Variants in KIAA1217 observed in about 807,000 individuals in gnomAD.
KIAA1217 encodes KIAA1217.
KIAA1217 carries 88 observed loss-of-function variants against 163.9 expected under a neutral mutation model. That is an observed-to-expected ratio of 0.54 (90% CI 0.45 to 0.64). KIAA1217 has a LOEUF of 0.64. Ranked by LOEUF, KIAA1217 falls within the 30% of genes least tolerant of loss-of-function variation. The pLI, the probability that KIAA1217 is intolerant of heterozygous loss-of-function variation, is 0.00. For missense variants in KIAA1217, 2,372 were observed against 2,475.0 expected, an observed-to-expected ratio of 0.96 and a Z score of 0.88; for synonymous variants, 903 against 923.1, an observed-to-expected ratio of 0.98 and a Z score of 0.39.
rs144286801 is a variant in KIAA1217 at position 24,530,086 on chromosome 10, C to T, written c.3083-1744C>T. Among the ~76,000 whole-genome samples the T allele has an allele frequency of 2.2e-4, 33 of 152,056 alleles. No individual in the cohort carries two copies. In the East Asian group the frequency reaches 5.2e-3, roughly 24 times the overall value. ...TGCTGGGATTTCAGGCCTGAGTCAC[C>T]GGCCAGCTCATCACATTTTTATCTT... On this transcript the variant is annotated intron_variant, in intron 14 of 20. Coordinates refer to ENST00000376454, the MANE Select transcript of KIAA1217 (RefSeq NM_019590.5).
At chr10:23,877,105 A>G (rs1465090892) in intron 1 of KIAA1217, among the ~76,000 whole-genome samples, 1 of 151,910 alleles carries the variant, frequency 6.6e-6, no homozygotes, top group Non-Finnish European at 1.5e-5. Context: ...GTAGTCTCAA[A>G]CTCATGTGTC....
intron 2 of KIAA1217, among the ~76,000 whole-genome samples, chr10:24,228,263 A>AAAC (rs1309177139): frequency 6.6e-6 from 1 of 152,078 alleles, no homozygotes; most frequent in Non-Finnish European, 1.5e-5. Context: ...CCCCTTCTTA[A>AAAC]AACAACAACA....
chr10:23,722,445 TAA>T (rs150179129), intron 1 of KIAA1217, among the ~76,000 whole-genome samples: 7,772 of 152,238 alleles, frequency 0.051, 310 homozygotes, highest in African/African-American at 0.1. Context: ...AGTTTTCCAT[TAA>T]GTCTATCATC....
At chr10:24,196,821 T>G (rs2067012048) in intron 2 of KIAA1217, among the ~76,000 whole-genome samples, 2 of 152,216 alleles carry the variant, frequency 1.3e-5, no homozygotes, top group Admixed American at 6.5e-5. Flanking sequence ...GATGCTGCGC[T>G]GCTCCCCTGT....
chr10:24,446,998 T>G (rs2060989524), intron 5 of KIAA1217, among the ~76,000 whole-genome samples: 1 of 152,098 alleles, frequency 6.6e-6, no homozygotes, highest in Admixed American at 6.5e-5. Flanking sequence ...CACATGTCCA[T>G]GGGCCTCTCA....
intron 1 of KIAA1217, among the ~76,000 whole-genome samples, chr10:23,779,298 A>C (rs1382911426): frequency 6.6e-6 from 1 of 152,118 alleles, no homozygotes; most frequent in Non-Finnish European, 1.5e-5. Context: ...AAATGTCATT[A>C]TTTCTCTTCC....
chr10:24,424,896 C>T (rs1391076900), intron 3 of KIAA1217, among the ~76,000 whole-genome samples: 3 of 152,238 alleles, frequency 2.0e-5, no homozygotes, highest in African/African-American at 7.2e-5. Flanking sequence ...CCACCGCGCC[C>T]GGCCTCTTTT....
At chr10:23,900,997 T>A (rs1294875746) in intron 1 of KIAA1217, among the ~76,000 whole-genome samples, 1 of 152,142 alleles carries the variant, frequency 6.6e-6, no homozygotes. Flanking sequence ...TGGCTGTTAA[T>A]AATTATTTTT....
At chr10:24,506,934 T>C (rs2068445546) in intron 9 of KIAA1217, among the ~76,000 whole-genome samples, 1 of 152,214 alleles carries the variant, frequency 6.6e-6, no homozygotes, top group Non-Finnish European at 1.5e-5. Context: ...ATGTACAGTG[T>C]GAAAGCAACC....
At chr10:24,192,410 C>A (rs1407204822) in intron 2 of KIAA1217, among the ~76,000 whole-genome samples, 4 of 152,188 alleles carry the variant, frequency 2.6e-5, no homozygotes, top group Non-Finnish European at 5.9e-5. Context: ...AAGAAACCTT[C>A]CTGCTTCTGC....
intron 5 of KIAA1217, among the ~76,000 whole-genome samples, chr10:24,465,511 G>T (rs1028765673): frequency 6.6e-6 from 1 of 152,226 alleles, no homozygotes; most frequent in Non-Finnish European, 1.5e-5. Context: ...CGTGGTAGTT[G>T]GGTGTGGCGT....
In KIAA1217 at chr10:23,790,246, TATGCATATGC is replaced by T. The variant is rs1344233247; in HGVS notation, c.-321+95014_-321+95023del. Among the ~76,000 whole-genome samples, 11 of 109,534 alleles carry T rather than the reference TATGCATATGC, an allele frequency of 1.0e-4. 4 individuals are homozygous for T. Among genetic ancestry groups the T allele is most frequent in the East Asian group, 4.9e-4 (2 of 4,048 alleles). The allele number at this position is 109,534 out of a possible 152,430, so 71.9% of individuals were successfully genotyped here. ...GCATATGCACATATGCATATGCACA[TATGCATATGC>T]ACATATGCATATGCACATATGCATA... On this transcript the variant is annotated intron_variant, in intron 1 of 18. Coordinates refer to the KIAA1217 transcript ENST00000376462.
chr10:24,503,558 C>G (rs1181851339), intron 9 of KIAA1217, among the ~76,000 whole-genome samples: 1 of 152,168 alleles, frequency 6.6e-6, no homozygotes. Context: ...AGGATAGTAG[C>G]CACTCAGTTC....
intron 1 of KIAA1217, among the ~76,000 whole-genome samples, chr10:23,847,433 C>T (rs999150064): frequency 2.6e-5 from 4 of 152,148 alleles, no homozygotes; most frequent in Non-Finnish European, 5.9e-5. Context: ...AGGGATTCGA[C>T]TTCTTCCTGG....
chr10:24,396,775 C>A (rs574115934), intron 3 of KIAA1217, among the ~76,000 whole-genome samples: 1 of 152,242 alleles, frequency 6.6e-6, no homozygotes, highest in East Asian at 1.9e-4. Flanking sequence ...GGTAACAGGC[C>A]AAATATTGGA....
At chr10:24,213,914 G>T (rs1212199968) in intron 1 of KIAA1217, among the ~76,000 whole-genome samples, 2 of 152,140 alleles carry the variant, frequency 1.3e-5, no homozygotes, top group African/African-American at 4.8e-5. Context: ...ACTTTGGGAT[G>T]CTGAGGCAGG....
chr10:24,250,615 TA>T (rs1564343129), intron 2 of KIAA1217, among the ~76,000 whole-genome samples: 13 of 76 alleles, frequency 0.17, 2 homozygotes, highest in African/African-American at 0.24. Context: ...TTTTTTTTTG[TA>T]TTGTTAATAG....
At chr10:23,913,944 A>T (rs1010192887) in intron 1 of KIAA1217, among the ~76,000 whole-genome samples, 2 of 152,088 alleles carry the variant, frequency 1.3e-5, no homozygotes, top group Non-Finnish European at 2.9e-5. Flanking sequence ...CGTAACCAGC[A>T]TGTACCTGGA....
At chr10:24,109,556 G>T (rs2062764300) in intron 2 of KIAA1217, among the ~76,000 whole-genome samples, 1 of 152,046 alleles carries the variant, frequency 6.6e-6, no homozygotes, top group Non-Finnish European at 1.5e-5. Context: ...TGGAGGGTGG[G>T]GTAGGAAGTA....
Sources: gnomAD v4.1 joint callset for allele counts (sites outside exome capture counted in the v4.1 genomes callset) on GRCh38, gnomAD v4.1.1 for gene constraint, MANE v1.5 for transcripts, NCBI Gene and HGNC (gene_info 2026-07-23, HGNC 2026-07-21) for gene names.